DPP10: variants seen among roughly 807,000 people sequenced by gnomAD.
DPP10 encodes the protein inactive dipeptidyl peptidase 10.
Under a neutral mutation model 120.9 loss-of-function variants are expected in DPP10, and 33 were observed. The ratio of observed to expected loss-of-function variants is 0.27; its 90% CI spans 0.21 to 0.37. The LOEUF is 0.37. Ranked by LOEUF, DPP10 falls within the 10% of genes least tolerant of loss-of-function variation. The pLI, the probability that DPP10 is intolerant of heterozygous loss-of-function variation, is 1.00. For missense variants in DPP10, 816 were observed against 942.8 expected, an observed-to-expected ratio of 0.87 and a Z score of 1.76; for synonymous variants, 337 against 326.1, an observed-to-expected ratio of 1.03 and a Z score of -0.36.
intron 11 of DPP10, among the ~76,000 whole-genome samples, chr2:115,753,867 A>G (rs1218181564): frequency 6.6e-6 from 1 of 152,176 alleles, no homozygotes; most frequent in Non-Finnish European, 1.5e-5. Flanking sequence ...TAGAGAAAAC[A>G]CTGCAGTAAG....
intron 3 of DPP10, among the ~76,000 whole-genome samples, chr2:115,370,339 C>T (rs1173406855): frequency 1.3e-5 from 2 of 151,980 alleles, no homozygotes; most frequent in Non-Finnish European, 2.9e-5. Flanking sequence ...GAAACAGGCA[C>T]AGTAATTGAT....
intron 1 of DPP10, among the ~76,000 whole-genome samples, chr2:114,725,863 T>A (rs561849945): frequency 4.3e-4 from 65 of 152,332 alleles, no homozygotes; most frequent in African/African-American, 1.4e-3. Context: ...CTGCATCTCC[T>A]AAACCGAAAT....
intron 1 of DPP10, among the ~76,000 whole-genome samples, chr2:114,807,232 T>C (rs561705777): frequency 6.6e-6 from 1 of 152,292 alleles, no homozygotes; most frequent in South Asian, 2.1e-4. Flanking sequence ...CTGATCAAAA[T>C]CATTTTTTCT....
intron 1 of DPP10, among the ~76,000 whole-genome samples, chr2:114,685,199 T>C (rs1699283480): frequency 1.3e-5 from 2 of 151,954 alleles, no homozygotes; most frequent in Admixed American, 6.6e-5. Flanking sequence ...GGTTCCTTTC[T>C]CACCCTGCTC....
chr2:114,985,941 A>C (rs1184432067), intron 1 of DPP10, among the ~76,000 whole-genome samples: 1 of 152,238 alleles, frequency 6.6e-6, no homozygotes, highest in East Asian at 1.9e-4. Context: ...ACAAACACTT[A>C]TGAGTTTTTA....
At chr2:115,553,244 A>G (rs1449161436) in intron 5 of DPP10, among the ~76,000 whole-genome samples, 2 of 152,066 alleles carry the variant, frequency 1.3e-5, no homozygotes, top group African/African-American at 4.8e-5. Context: ...TACACTTGGT[A>G]TAAATTATGG....
intron 1 of DPP10, among the ~76,000 whole-genome samples, chr2:114,794,982 C>G (rs1683579536): frequency 6.6e-6 from 1 of 152,164 alleles, no homozygotes; most frequent in Non-Finnish European, 1.5e-5. Context: ...GTCATTAATA[C>G]TTTTGTTTTA....
At chr2:115,190,707 T>A (rs547307225) in intron 1 of DPP10, among the ~76,000 whole-genome samples, 86 of 151,672 alleles carry the variant, frequency 5.7e-4, no homozygotes, top group Admixed American at 2.1e-3. Context: ...GGCTGTGGGG[T>A]TTTGGAAGAG....
intron 1 of DPP10, among the ~76,000 whole-genome samples, chr2:114,452,231 G>A (rs181190750): frequency 2.0e-3 from 299 of 152,084 alleles, no homozygotes; most frequent in East Asian, 0.013. Context: ...GTATAATCTC[G>A]AAGAATACCT....
intron 1 of DPP10, among the ~76,000 whole-genome samples, chr2:114,806,765 T>C (rs1684755604): frequency 6.6e-6 from 1 of 152,180 alleles, no homozygotes. Flanking sequence ...TGTCAGACAA[T>C]AGTGTCACAA....
chr2:115,134,168 C>A (rs1273856074), intron 1 of DPP10, among the ~76,000 whole-genome samples: 3 of 152,038 alleles, frequency 2.0e-5, no homozygotes, highest in Non-Finnish European at 4.4e-5. Context: ...TGATAAAGAA[C>A]AATAATTCTT....
At chr2:115,409,984 C>T (rs895021949) in intron 3 of DPP10, among the ~76,000 whole-genome samples, 7 of 152,072 alleles carry the variant, frequency 4.6e-5, no homozygotes, top group African/African-American at 9.7e-5. Context: ...GGCATAAGAA[C>T]GATATAATGT....
chr2:114,801,834 A>G (rs940495556), intron 1 of DPP10, among the ~76,000 whole-genome samples: 2 of 152,180 alleles, frequency 1.3e-5, no homozygotes, highest in South Asian at 4.1e-4. Flanking sequence ...TTCTGTCCAG[A>G]TGCTTGGATT....
intron 7 of DPP10, among the ~76,000 whole-genome samples, chr2:115,722,636 T>C (rs1048901691): frequency 2.0e-5 from 3 of 152,102 alleles, no homozygotes; most frequent in Non-Finnish European, 4.4e-5. Context: ...TGTATCTTTG[T>C]ATCAAACATA....
At chr2:115,634,618 G>A (rs1212404269) in intron 5 of DPP10, among the ~76,000 whole-genome samples, 1 of 152,108 alleles carries the variant, frequency 6.6e-6, no homozygotes, top group East Asian at 1.9e-4. Flanking sequence ...GAGGGGCACT[G>A]ACCTGATGCC....
intron 8 of DPP10, among the ~76,000 whole-genome samples, chr2:115,737,720 T>C (rs1236691070): frequency 6.6e-6 from 1 of 152,160 alleles, no homozygotes; most frequent in East Asian, 1.9e-4. Context: ...AGAGAACATA[T>C]GTCAATGCGG....
chr2:115,345,557 A>C (rs576624105), intron 3 of DPP10, among the ~76,000 whole-genome samples: 2 of 152,216 alleles, frequency 1.3e-5, no homozygotes, highest in African/African-American at 4.8e-5. Flanking sequence ...ATGCTGAATA[A>C]TCTTGTTTTA....
intron 1 of DPP10, among the ~76,000 whole-genome samples, chr2:114,650,263 T>C (rs1199588754): frequency 4.6e-5 from 7 of 152,090 alleles, no homozygotes; most frequent in Non-Finnish European, 1.0e-4. Flanking sequence ...GTCAGAACTA[T>C]AGAGTGAGAA....
At chr2:114,484,310 T>C (rs1220135317) in intron 1 of DPP10, among the ~76,000 whole-genome samples, 1 of 152,154 alleles carries the variant, frequency 6.6e-6, no homozygotes, top group Admixed American at 6.6e-5. Flanking sequence ...AGAATCAGAA[T>C]GTAAGTGGAA....
Sources: allele counts gnomAD v4.1 joint callset (sites outside exome capture counted in the v4.1 genomes callset), GRCh38; gene constraint gnomAD v4.1.1; transcripts MANE v1.5; gene names NCBI Gene and HGNC (gene_info 2026-07-23, HGNC 2026-07-21).